The following ZNF91 variants were observed in gnomAD, a reference collection of about 807,000 sequenced individuals.
ZNF91 encodes zinc finger protein 91 (HPF7, HTF10).
A neutral mutation model predicts 12.6 loss-of-function variants in ZNF91; 7 were observed. The observed-to-expected ratio is 0.55, with a 90% confidence interval of 0.31 to 1.04. The LOEUF (loss-of-function observed/expected upper bound fraction) is 1.04, where lower values mean the gene tolerates loss of function less well. Ranked by LOEUF, ZNF91 falls within the 50% of genes least tolerant of loss-of-function variation. The probability of loss-of-function intolerance (pLI) is 0.05; values close to 1 mark genes in which losing one functional copy is unlikely to be tolerated. For missense variants in ZNF91, 1,217 were observed against 1,385.4 expected (o/e 0.88, Z 1.93); for synonymous variants, 453 against 462.6 (o/e 0.98, Z 0.27).
At chr19:23,372,202 T>C (rs1425446102) in intron 3 of ZNF91, among the ~76,000 whole-genome samples, 1 of 151,752 alleles carries the variant, frequency 6.6e-6, no homozygotes, top group Non-Finnish European at 1.5e-5. Flanking sequence ...AAAATTTATA[T>C]GGAGAGTGAC....
chr19:23,379,164 A>G (rs939835951), intron 1 of ZNF91, among the ~76,000 whole-genome samples: 2 of 152,218 alleles, frequency 1.3e-5, no homozygotes, highest in African/African-American at 4.8e-5. Flanking sequence ...ATAAGCCAGC[A>G]AGAGAGACTC....
downstream of ZNF91, among the ~76,000 whole-genome samples, chr19:23,334,933 C>G (rs12151189): frequency 6.6e-6 from 1 of 152,030 alleles, no homozygotes; most frequent in African/African-American, 2.4e-5. Flanking sequence ...AATAATGAGA[C>G]GCCAGTTTTT....
intron 1 of ZNF91, among the ~76,000 whole-genome samples, chr19:23,388,066 T>C (rs1969936213): frequency 1.3e-5 from 2 of 150,240 alleles, no homozygotes; most frequent in African/African-American, 2.5e-5. Flanking sequence ...GTCAACATGG[T>C]GAAACCCCGT....
At position 23,361,266 on chromosome 19, in the gene ZNF91, C is replaced by G; in HGVS notation, c.1713G>C (p.Lys571Asn). 1 of 1,613,488 alleles carries G rather than the reference C, an allele frequency of 6.2e-7. No homozygotes were observed. Among genetic ancestry groups the G allele is most frequent in the Non-Finnish European group, 8.5e-7 (1 of 1,179,762 alleles). The change falls in exon 4 of 4, where the codon AAG (lysine) becomes AAC (asparagine). Residue 571 changes from lysine (K) to asparagine (N), a missense_variant. Physicochemically the swap from Lys to Asn is moderately conservative, Grantham distance 94. Coordinates refer to ENST00000300619, the MANE Select transcript of ZNF91 (RefSeq NM_003430.4). ...CACATTCTTCACATTTGTAGAGTTT[C>G]TTTCCAGCATGAATTATTTTATGTG... ...LTTHKIIHAG[K>N]KLYKCEECGK...
chr19:23,320,964 G>T lies in ZNF91; in HGVS notation n.117-11867C>A, dbSNP rs141311947. Among the ~76,000 whole-genome samples, 1,425 of 152,284 alleles carry T rather than the reference G, an allele frequency of 9.4e-3. 19 individuals are homozygous for T. The highest frequency in any genetic ancestry group is 0.032 in the African/African-American group (1,341 of 41,558). On this transcript the variant is annotated intron_variant and non_coding_transcript_variant, in intron 1 of 1. Transcript: ENST00000596528. Reference sequence around the variant, plus strand: ...AACCATAATTTAGCACACGTGTCAGGCTGCGACTTATCTAAGGGGACACAA... The same window carrying T: ...AACCATAATTTAGCACACGTGTCAGTCTGCGACTTATCTAAGGGGACACAA...
downstream of ZNF91, chr19:23,338,584 A>C (rs1159175010): frequency 6.7e-6 from 1 of 149,724 alleles, no homozygotes; most frequent in Admixed American, 6.6e-5. Flanking sequence ...TAAAACTAAC[A>C]GGTCTTACAA....
chr19:23,316,023 T>C (rs556161147), intron 1 of ZNF91, among the ~76,000 whole-genome samples: 1 of 152,170 alleles, frequency 6.6e-6, no homozygotes, highest in African/African-American at 2.4e-5. Context: ...GTGATGCGAC[T>C]CTTCTGCATG....
chr19:23,368,218 A>G (rs992980846), intron 3 of ZNF91, among the ~76,000 whole-genome samples: 1 of 151,994 alleles, frequency 6.6e-6, no homozygotes, highest in African/African-American at 2.4e-5. Context: ...TCTCTTAAAC[A>G]CATAGAGGGG....
intron 1 of ZNF91, among the ~76,000 whole-genome samples, chr19:23,390,173 A>T (rs1444184946): frequency 1.3e-5 from 2 of 152,118 alleles, no homozygotes; most frequent in African/African-American, 2.4e-5. Flanking sequence ...AAAATTAGCC[A>T]GGCATGGTAG....
At chr19:23,320,889 G>A (rs1339260735) in intron 1 of ZNF91, among the ~76,000 whole-genome samples, 1 of 152,166 alleles carries the variant, frequency 6.6e-6, no homozygotes, top group African/African-American at 2.4e-5. Flanking sequence ...AAGTTGCAAT[G>A]TTGACTCTCA....
chr19:23,332,861 A>C (rs1967949520), intron 1 of ZNF91, among the ~76,000 whole-genome samples: 2 of 152,144 alleles, frequency 1.3e-5, no homozygotes. Flanking sequence ...GTTCAACAAG[A>C]CACTAAAGCA....
In ZNF91 at chr19:23,358,180, A is replaced by C. The variant is rs1271113027; in HGVS notation, c.*1223T>G. The C allele has an allele frequency of 1.3e-5, 2 of 152,200 alleles. No individual in the cohort carries two copies. The highest frequency in any genetic ancestry group is 4.8e-5 in the African/African-American group (2 of 41,458). 9.4% of individuals were successfully genotyped at this position (152,200 alleles called of 1,614,324 possible). A position where few individuals can be genotyped will look rare whatever the true frequency, so the allele number is the denominator to read the frequency against. On this transcript the variant is annotated 3_prime_UTR_variant, in exon 4 of 4. Transcript: ENST00000300619. ...CTTCATTGAATTCATGATAGTATTTAACATGTTAAAACTGTTTGGTTGAAA... is the reference window on the plus strand; with the variant it reads ...CTTCATTGAATTCATGATAGTATTTCACATGTTAAAACTGTTTGGTTGAAA...
In ZNF91 at chr19:23,393,054, T is replaced by G. The variant is rs148099673; in HGVS notation, c.30+2271A>C. Among the ~76,000 whole-genome samples the G allele has an allele frequency of 3.1e-3, 474 of 151,054 alleles. 3 individuals are homozygous for G. The highest frequency in any genetic ancestry group is 0.012 in the South Asian group (58 of 4,740). Reference sequence around the variant, plus strand: ...GGGGTCAGTTTTTTGGTTTTTTGGGTTTTTTTTTGTTTTTTGTCTTTTGGA... The same window carrying G: ...GGGGTCAGTTTTTTGGTTTTTTGGGGTTTTTTTTGTTTTTTGTCTTTTGGA... On this transcript the variant is annotated intron_variant, in intron 1 of 3. Coordinates refer to ENST00000300619, the MANE Select transcript of ZNF91 (RefSeq NM_003430.4).
chr19:23,356,592 T>C (rs1157811221), downstream of ZNF91, among the ~76,000 whole-genome samples: 1 of 150,782 alleles, frequency 6.6e-6, no homozygotes, highest in Non-Finnish European at 1.5e-5. Flanking sequence ...CGGGGAAGAG[T>C]GAAAGGGGAA....
downstream of ZNF91, among the ~76,000 whole-genome samples, chr19:23,355,122 T>C (rs977521653): frequency 2.0e-5 from 3 of 152,050 alleles, no homozygotes; most frequent in Admixed American, 1.3e-4. Flanking sequence ...CTAAAATTCA[T>C]ATAGAACCAA....
downstream of ZNF91, among the ~76,000 whole-genome samples, chr19:23,357,480 G>A (rs1183574674): frequency 7.9e-5 from 12 of 152,090 alleles, no homozygotes; most frequent in Non-Finnish European, 4.4e-5. Context: ...AAATGATTTT[G>A]TTCCAATATT....
At chr19:23,320,921 T>C (rs1015296498) in intron 1 of ZNF91, among the ~76,000 whole-genome samples, 13 of 152,190 alleles carry the variant, frequency 8.5e-5, no homozygotes, top group African/African-American at 2.7e-4. Flanking sequence ...TTGTTATGCA[T>C]GGATTTGTTG....
intron 1 of ZNF91, among the ~76,000 whole-genome samples, chr19:23,381,475 T>C (rs1969713335): frequency 6.6e-6 from 1 of 151,754 alleles, no homozygotes; most frequent in Non-Finnish European, 1.5e-5. Context: ...TTTTTTTTTT[T>C]TTTGAGACTG....
At chr19:23,370,852 T>A (rs1006053999) in intron 3 of ZNF91, among the ~76,000 whole-genome samples, 3 of 152,172 alleles carry the variant, frequency 2.0e-5, no homozygotes, top group Admixed American at 2.0e-4. Context: ...AAATTATATG[T>A]TATGTGTTTT....
Sources: gnomAD v4.1 joint callset for allele counts (sites outside exome capture counted in the v4.1 genomes callset) on GRCh38, gnomAD v4.1.1 for gene constraint, MANE v1.5 for transcripts, NCBI Gene and HGNC (gene_info 2026-07-23, HGNC 2026-07-21) for gene names.